TNFSF14: variants seen among roughly 807,000 people sequenced by gnomAD.
TNFSF14 encodes the protein tumor necrosis factor ligand superfamily member 14.
Under a neutral mutation model 22.7 loss-of-function variants are expected in TNFSF14, and 15 were observed. The observed-to-expected ratio is 0.66, with a 90% CI of 0.44 to 1.02. The LOEUF (loss-of-function observed/expected upper bound fraction) is 1.02. Ranked by LOEUF, TNFSF14 falls within the 50% of genes least tolerant of loss-of-function variation. The pLI is 0.00. For missense variants in TNFSF14, 287 were observed against 326.2 expected (o/e 0.88, Z 0.93); for synonymous variants, 133 against 139.6 (o/e 0.95, Z 0.33).
rs1357806792 is a variant in TNFSF14 at position 6,665,204 on chromosome 19, G to C, written c.445C>G (p.Leu149Val). Residue 149 changes from leucine to valine, a missense_variant, in exon 4 of 4, where the codon CTG (leucine) becomes GTG (valine). By Grantham distance (32) the Leu-to-Val change is conservative. Coordinates refer to ENST00000675206, the MANE Select transcript of TNFSF14 (RefSeq NM_001376887.1). ...GYYYIYSKVQ[L>V]GGVGCPLGLA... The stretch of plus-strand genomic sequence containing the variant: ...CCCAGCGGGCAGCCCACACCGCCCA[G>C]CTGCACCTTGGAGTAGATGTAGTAG... 2 of 1,614,176 alleles carry C rather than the reference G, an allele frequency of 1.2e-6. No individual in the cohort carries two copies. The highest frequency in any genetic ancestry group is 4.5e-5 in the East Asian group (2 of 44,882).
intron 1 of TNFSF14, 21 bp from the exon 2 acceptor site, chr19:6,667,470 T>C: frequency 1.3e-6 from 2 of 1,572,888 alleles, no homozygotes; most frequent in Non-Finnish European, 1.7e-6. Flanking sequence ...AGAAGGGGCC[T>C]GCGGTAAGAA....
rs1917268839 is a variant in TNFSF14, at chr19:6,662,388, C to G, written c.*2538G>C. On this transcript the variant is annotated 3_prime_UTR_variant, in exon 4 of 4. Coordinates refer to ENST00000675206, the MANE Select transcript of TNFSF14 (RefSeq NM_001376887.1). ...GAATCTGTACTGTTGTTCCTCTCCC[C>G]CCACAACCATCTTGCCGATGGGGAA... The G allele has an allele frequency of 6.6e-6, 1 of 152,178 alleles. No homozygotes were observed. The highest frequency in any genetic ancestry group is 1.5e-5 in the Non-Finnish European group (1 of 68,032). The allele number at this position is 152,178 out of a possible 1,614,324, so 9.4% of individuals were successfully genotyped here.
At position 6,670,079 on chromosome 19, in the gene TNFSF14, G is replaced by A. The variant is rs540459241; in HGVS notation, c.-10C>T. The A allele has an allele frequency of 5.6e-6, 9 of 1,612,688 alleles. No individual in the cohort carries two copies. The South Asian group carries it at 8.8e-5, about 16-fold the overall frequency. On this transcript the variant is annotated 5_prime_UTR_variant, in exon 1 of 4. Coordinates refer to ENST00000675206, the MANE Select transcript of TNFSF14 (RefSeq NM_001376887.1). ...CGACACTCTCCTCCATGCCCAAGGT[G>A]TCTGGAGCAGGGCTGACACGCCTGG...
chr19:6,666,738 A>G (rs1404707843), intron 3 of TNFSF14, among the ~76,000 whole-genome samples: 1 of 152,086 alleles, frequency 6.6e-6, no homozygotes, highest in East Asian at 1.9e-4. Context: ...TCTACTAAAA[A>G]TACAACAAAA....
Position 6,664,980 on chromosome 19 carries a change from G to C in TNFSF14, c.669C>G (p.Arg223=), listed in dbSNP as rs747694856. ...EKVVVRVLDE[R]LVRLRDGTRS... Reference sequence around the variant, plus strand: ...GGGTACCATCACGCAGTCGAACCAGGCGTTCATCCAGCACACGGACGACCA... The same window carrying C: ...GGGTACCATCACGCAGTCGAACCAGCCGTTCATCCAGCACACGGACGACCA... Residue 223 remains arginine (R), a synonymous_variant, in exon 4 of 4, where the codon CGC becomes CGG. Coordinates refer to ENST00000675206, the MANE Select transcript of TNFSF14 (RefSeq NM_001376887.1). This position sits in a 1 kb window ranked among gnomAD's most constrained non-coding sequence, Gnocchi z 4.7. 6.2e-7 allele frequency: 1 copy of C among 1,612,222 alleles called. No homozygotes were observed. The highest frequency in any genetic ancestry group is 1.7e-5 in the Admixed American group (1 of 59,930).
chr19:6,667,806 C>T (rs1406124736), intron 1 of TNFSF14, among the ~76,000 whole-genome samples: 3 of 152,118 alleles, frequency 2.0e-5, no homozygotes, highest in South Asian at 2.1e-4. Context: ...TTCGGGAGGC[C>T]GAGGTGGGCA....
At chr19:6,667,291 G>A (rs562957683) in intron 2 of TNFSF14, 122 bp downstream of exon 2, 1 of 1,436,334 alleles carries the variant, frequency 7.0e-7, no homozygotes, top group Admixed American at 2.7e-5. Flanking sequence ...TCTCAGGCCT[G>A]GGGGAGGGGC....
Position 6,661,434 on chromosome 19 carries a change from G to A in TNFSF14, c.*3492C>T, listed in dbSNP as rs894758298. The A allele has an allele frequency of 6.6e-6, 1 of 152,200 alleles. No individual in the cohort carries two copies. Among genetic ancestry groups the A allele is most frequent in the Non-Finnish European group, 1.5e-5 (1 of 68,038 alleles). The allele number at this position is 152,200 out of a possible 1,614,324, so 9.4% of individuals were successfully genotyped here. A position where few individuals can be genotyped will look rare whatever the true frequency, so the allele number is the denominator to read the frequency against. ...AGGCAAGAAAGTGAAAAAGATAAAT[G>A]GTAACAGAAAAACAAACAGTTCCAG... On this transcript the variant is annotated 3_prime_UTR_variant, in exon 4 of 4. Coordinates refer to ENST00000675206, the MANE Select transcript of TNFSF14 (RefSeq NM_001376887.1).
chr19:6,664,836 A>G lies in TNFSF14; in HGVS notation c.*90T>C, dbSNP rs997378692. 55 of 1,478,440 alleles carry G rather than the reference A, an allele frequency of 3.7e-5. No individual in the cohort carries two copies. The highest frequency in any genetic ancestry group is 4.5e-5 in the Non-Finnish European group (50 of 1,105,278). 91.6% of individuals were successfully genotyped at this position (1,478,440 alleles called of 1,614,324 possible). ...ATTACAGGCGAGAGCCACCACGCCCAGCCTCTGCTTCGTGAGTTTTCTTTC... is the reference window on the plus strand; with the variant it reads ...ATTACAGGCGAGAGCCACCACGCCCGGCCTCTGCTTCGTGAGTTTTCTTTC... On this transcript the variant is annotated 3_prime_UTR_variant, in exon 4 of 4. Coordinates refer to ENST00000675206, the MANE Select transcript of TNFSF14 (RefSeq NM_001376887.1). This position sits in a 1 kb window ranked among gnomAD's most constrained non-coding sequence, Gnocchi z 4.7.
chr19:6,670,192 C>T, upstream of TNFSF14: 1 of 1,479,212 alleles, frequency 6.8e-7, no homozygotes, highest in South Asian at 1.3e-5. Context: ...GCCTTTAGAG[C>T]TGGGGTTCAG....
At position 6,663,388 on chromosome 19, in the gene TNFSF14, GTGA is replaced by G. The variant is rs1276379733; in HGVS notation, c.*1535_*1537del. ...GTGTGTGTAATGTGTGTTTGTCATC[GTGA>G]TGTTGTGTGTGTAATGTGTGTTTGT... On this transcript the variant is annotated 3_prime_UTR_variant, in exon 4 of 4. Transcript: ENST00000675206. The G allele has an allele frequency of 2.0e-5, 3 of 151,688 alleles. No individual in the cohort carries two copies. Among genetic ancestry groups the G allele is most frequent in the Admixed American group, 6.6e-5 (1 of 15,162 alleles). The allele number at this position is 151,688 out of a possible 1,614,324, so 9.4% of individuals were successfully genotyped here. A position where few individuals can be genotyped will look rare whatever the true frequency, so the allele number is the denominator to read the frequency against.
intron 3 of TNFSF14, among the ~76,000 whole-genome samples, chr19:6,665,877 A>G (rs1029110339): frequency 1.3e-5 from 2 of 151,302 alleles, no homozygotes; most frequent in Non-Finnish European, 2.9e-5. Context: ...TCCTGTGCTC[A>G]ACCGATCCTT....
At chr19:6,668,507 A>T (rs1168169576) in intron 1 of TNFSF14, among the ~76,000 whole-genome samples, 1 of 152,168 alleles carries the variant, frequency 6.6e-6, no homozygotes, top group African/African-American at 2.4e-5. Context: ...GGAGTTCGAG[A>T]CAAGTCTGGC....
intron 1 of TNFSF14, among the ~76,000 whole-genome samples, chr19:6,669,282 G>T (rs1917523928): frequency 6.6e-6 from 1 of 152,138 alleles, no homozygotes; most frequent in South Asian, 2.1e-4. Context: ...TCGGGAGTTT[G>T]AGACCAGCCT....
At chr19:6,666,617 C>G (rs908359529) in intron 3 of TNFSF14, among the ~76,000 whole-genome samples, 2 of 151,974 alleles carry the variant, frequency 1.3e-5, no homozygotes, top group East Asian at 3.9e-4. Flanking sequence ...AAAACTAGGC[C>G]GGGCCCGGTG....
chr19:6,664,632 G>GTATCATCAAAAAA lies in TNFSF14; in HGVS notation c.*293_*294insTTTTTTGATGATA. ...CGGCTCACTGCAACCTCCGCCTCCC[G>GTATCATCAAAAAA]GGTTTAAGCAAAATTATCCTGCCTC... On this transcript the variant is annotated 3_prime_UTR_variant, in exon 4 of 4. Coordinates refer to ENST00000675206, the MANE Select transcript of TNFSF14 (RefSeq NM_001376887.1). The surrounding 1 kb of genome is among the most constrained non-coding windows in gnomAD (Gnocchi z 4.7). 1.3e-5 allele frequency: 3 copies of GTATCATCAAAAAA among 228,158 alleles called. No homozygotes were observed. The highest frequency in any genetic ancestry group is 1.2e-4 in the South Asian group (1 of 8,574). 14.1% of individuals were successfully genotyped at this position (228,158 alleles called of 1,614,324 possible). A position where few individuals can be genotyped will look rare whatever the true frequency, so the allele number is the denominator to read the frequency against.
Position 6,663,696 on chromosome 19 carries a change from G to C in TNFSF14, c.*1230C>G, listed in dbSNP as rs1189465377. The stretch of plus-strand genomic sequence containing the variant: ...CTGTGATGCCGTCTGTGACTTCCAT[G>C]TGATTGTGTGGTTGTGCATGAATCT... On this transcript the variant is annotated 3_prime_UTR_variant, in exon 4 of 4. Coordinates refer to ENST00000675206, the MANE Select transcript of TNFSF14 (RefSeq NM_001376887.1). 2.6e-5 allele frequency: 4 copies of C among 152,566 alleles called. No individual in the cohort carries two copies. The highest frequency in any genetic ancestry group is 5.9e-5 in the Non-Finnish European group (4 of 68,066). 9.5% of individuals were successfully genotyped at this position (152,566 alleles called of 1,614,324 possible). A position where few individuals can be genotyped will look rare whatever the true frequency, so the allele number is the denominator to read the frequency against.
intron 1 of TNFSF14, among the ~76,000 whole-genome samples, chr19:6,668,388 T>G (rs950312846): frequency 2.6e-5 from 4 of 151,128 alleles, no homozygotes; most frequent in African/African-American, 9.7e-5. Flanking sequence ...TGTAATTAAT[T>G]AAATAAATAA....
At chr19:6,667,308 G>A (rs1917460244) in intron 2 of TNFSF14, 105 bp downstream of exon 2, 2 of 1,455,694 alleles carry the variant, frequency 1.4e-6, no homozygotes, top group African/African-American at 2.9e-5. Flanking sequence ...GGGCACCTGT[G>A]AGGATTTGGC....
Sources: gnomAD v4.1 joint callset for allele counts (sites outside exome capture counted in the v4.1 genomes callset) on GRCh38, gnomAD v4.1.1 for gene constraint, Gnocchi (gnomAD v3.1) non-coding constraint, MANE v1.5 for transcripts, NCBI Gene and HGNC (gene_info 2026-07-23, HGNC 2026-07-21) for gene names.